Variants in COL25A1 observed in about 807,000 individuals in gnomAD.
The protein encoded by COL25A1 is collagen alpha-1(XXV) chain.
In COL25A1, 103 loss-of-function variants were observed where a neutral mutation model predicts 128.4. The observed-to-expected ratio is 0.80, with a 90% CI of 0.68 to 0.94. COL25A1 has a LOEUF of 0.94. Ranked by LOEUF, COL25A1 falls within the 40% of genes least tolerant of loss-of-function variation. COL25A1 has a pLI of 0.00. For synonymous variants in COL25A1, 279 were observed against 277.2 expected, an observed-to-expected ratio of 1.01 and a Z score of -0.06; for missense variants, 745 against 840.0, an observed-to-expected ratio of 0.89 and a Z score of 1.40.
chr4:109,210,601 G>GA (rs1359998748), intron 3 of COL25A1, among the ~76,000 whole-genome samples: 1 of 152,110 alleles, frequency 6.6e-6, no homozygotes. Flanking sequence ...TTCCATGGCT[G>GA]AAAAATCATA....
intron 3 of COL25A1, among the ~76,000 whole-genome samples, chr4:109,164,756 T>A (rs1772909313): frequency 6.6e-6 from 1 of 152,208 alleles, no homozygotes; most frequent in Non-Finnish European, 1.5e-5. Context: ...GAGAATGTTT[T>A]TGTTCTTTTA....
chr4:108,874,228 A>G (rs1257421035), intron 19 of COL25A1, among the ~76,000 whole-genome samples: 4 of 152,210 alleles, frequency 2.6e-5, no homozygotes, highest in East Asian at 1.9e-4. Context: ...ATGAGCTTAC[A>G]TAAGTTTTCA....
At chr4:109,079,674 A>G (rs924437288) in intron 3 of COL25A1, among the ~76,000 whole-genome samples, 1 of 152,130 alleles carries the variant, frequency 6.6e-6, no homozygotes, top group Non-Finnish European at 1.5e-5. Flanking sequence ...TCTTCACTGC[A>G]AAACTTAAGA....
At chr4:108,980,791 TAAAG>T (rs916113885) in intron 6 of COL25A1, among the ~76,000 whole-genome samples, 6 of 152,232 alleles carry the variant, frequency 3.9e-5, no homozygotes, top group Non-Finnish European at 7.3e-5. Context: ...CTTTTAAAGA[TAAAG>T]AAGATAGTCT....
Position 109,010,383 on chromosome 4 carries a change from TA to T in COL25A1, c.421-9del. 2 of 1,567,292 alleles carry T rather than the reference TA, an allele frequency of 1.3e-6. No homozygotes were observed. Among genetic ancestry groups the T allele is most frequent in the Admixed American group, 2.0e-5 (1 of 49,106 alleles). On this transcript the variant is annotated splice_polypyrimidine_tract_variant and intron_variant, in intron 5 of 37. Coordinates refer to ENST00000399132, the MANE Select transcript of COL25A1 (RefSeq NM_198721.4). ...CTGAGGACCAGGCTGTCCCTGAAAT[TA>T]AAAAGAAAAAGAAAAACAATTACAA... is the stretch of plus-strand genomic sequence containing the variant.
At chr4:109,128,915 T>C (rs1043337673) in intron 3 of COL25A1, among the ~76,000 whole-genome samples, 6 of 152,160 alleles carry the variant, frequency 3.9e-5, no homozygotes, top group African/African-American at 1.2e-4. Context: ...GTTATAACAA[T>C]ATGTGAAACT....
intron 3 of COL25A1, among the ~76,000 whole-genome samples, chr4:109,068,544 T>C (rs1010801210): frequency 2.0e-5 from 3 of 152,202 alleles, no homozygotes; most frequent in African/African-American, 7.2e-5. Context: ...GGAAGTTTAC[T>C]TCTAAATCTC....
At chr4:108,916,312 G>A (rs945453639) in intron 13 of COL25A1, among the ~76,000 whole-genome samples, 3 of 152,114 alleles carry the variant, frequency 2.0e-5, no homozygotes, top group African/African-American at 7.2e-5. Flanking sequence ...ACATAAAACT[G>A]CAAATATTAA....
At chr4:108,888,552 G>A (rs1445953361) in intron 18 of COL25A1, among the ~76,000 whole-genome samples, 1 of 152,150 alleles carries the variant, frequency 6.6e-6, no homozygotes, top group African/African-American at 2.4e-5. Flanking sequence ...TCAAATGAGA[G>A]TATGAATCTA....
intron 3 of COL25A1, among the ~76,000 whole-genome samples, chr4:109,284,698 C>T (rs992355579): frequency 2.6e-5 from 4 of 151,984 alleles, no homozygotes; most frequent in Admixed American, 2.6e-4. Flanking sequence ...CACATGAAGG[C>T]AAAGGAAGCT....
chr4:108,923,859 T>C (rs542473003), intron 11 of COL25A1, among the ~76,000 whole-genome samples: 1 of 152,174 alleles, frequency 6.6e-6, no homozygotes, highest in Non-Finnish European at 1.5e-5. Flanking sequence ...CAACCTAGAG[T>C]CATCATCTTT....
rs114291742 is a variant in COL25A1, at chr4:108,826,556, G to T, written c.1764+579C>A. ...CCATCTCAAATGATAATAATAATAA[G>T]AAGAGAAGAATTTTCAGAAGACAGA... is the stretch of plus-strand genomic sequence containing the variant. On this transcript the variant is annotated intron_variant, in intron 33 of 37. Transcript: ENST00000399132. Among the ~76,000 whole-genome samples, 987 of 152,180 alleles carry T rather than the reference G, an allele frequency of 6.5e-3. 11 individuals carry two copies. Among genetic ancestry groups the T allele is most frequent in the African/African-American group, 0.017 (715 of 41,536 alleles).
At chr4:109,144,592 G>A (rs1437850501) in intron 3 of COL25A1, among the ~76,000 whole-genome samples, 2 of 152,192 alleles carry the variant, frequency 1.3e-5, no homozygotes, top group African/African-American at 4.8e-5. Flanking sequence ...GAGATACCCT[G>A]CCCAAGAAAT....
At chr4:109,146,987 C>T (rs751033007) in intron 3 of COL25A1, among the ~76,000 whole-genome samples, 4 of 151,992 alleles carry the variant, frequency 2.6e-5, no homozygotes, top group Non-Finnish European at 5.9e-5. Context: ...CCATCAAAAC[C>T]GTGTAAAACC....
intron 3 of COL25A1, among the ~76,000 whole-genome samples, chr4:109,100,500 G>C (rs962434358): frequency 1.3e-5 from 2 of 151,552 alleles, no homozygotes; most frequent in Non-Finnish European, 2.9e-5. Flanking sequence ...CTGAAATAAG[G>C]AGAATTCATT....
intron 3 of COL25A1, among the ~76,000 whole-genome samples, chr4:109,094,264 G>T (rs148663532): frequency 3.3e-5 from 5 of 152,260 alleles, no homozygotes; most frequent in Non-Finnish European, 5.9e-5. Context: ...TAGTATTTAG[G>T]CTTGACTAGT....
At chr4:109,265,863 T>C (rs1221013221) in intron 3 of COL25A1, among the ~76,000 whole-genome samples, 1 of 152,174 alleles carries the variant, frequency 6.6e-6, no homozygotes, top group African/African-American at 2.4e-5. Context: ...CTGGTGTACA[T>C]TTTTTAAGCA....
intron 19 of COL25A1, 81 bp from the exon 20 acceptor site, chr4:108,869,231 A>T: frequency 1.3e-6 from 1 of 788,322 alleles, no homozygotes; most frequent in East Asian, 3.2e-5. Context: ...TAAAAACTAA[A>T]CTCATTTTCT....
At chr4:108,995,121 A>G (rs1190016080) in intron 6 of COL25A1, among the ~76,000 whole-genome samples, 1 of 152,214 alleles carries the variant, frequency 6.6e-6, no homozygotes, top group African/African-American at 2.4e-5. Flanking sequence ...AATGAGTTTG[A>G]CGAGTTAACA....
Sources: allele counts gnomAD v4.1 joint callset (sites outside exome capture counted in the v4.1 genomes callset), GRCh38; gene constraint gnomAD v4.1.1; transcripts MANE v1.5; gene names NCBI Gene and HGNC (gene_info 2026-07-23, HGNC 2026-07-21).